The following LARGE1 variants were observed in gnomAD, a reference collection of about 807,000 sequenced individuals.
LARGE1 encodes the protein LARGE xylosyl- and glucuronyltransferase 1.
A neutral mutation model predicts 87.6 loss-of-function variants in LARGE1; 43 were observed. The observed-to-expected ratio is 0.49, with a 90% CI of 0.38 to 0.63. The LOEUF (loss-of-function observed/expected upper bound fraction) is 0.63. Among genes scored for constraint, LARGE1 ranks in the 30% least tolerant of loss-of-function variants. The probability of loss-of-function intolerance (pLI) is 0.00; values close to 1 mark genes in which losing one functional copy is unlikely to be tolerated. For synonymous variants in LARGE1, 434 were observed against 394.6 expected, an observed-to-expected ratio of 1.10 and a Z score of -1.18; for missense variants, 802 against 1,000.2, an observed-to-expected ratio of 0.80 and a Z score of 2.67.
At chr22:33,505,977 T>C (rs2070745215) in intron 6 of LARGE1, among the ~76,000 whole-genome samples, 1 of 152,160 alleles carries the variant, frequency 6.6e-6, no homozygotes, top group Admixed American at 6.5e-5. Context: ...CCCAGAGTCC[T>C]GAAGCATAGT....
chr22:33,499,374 A>G (rs545483577), intron 6 of LARGE1, among the ~76,000 whole-genome samples: 2 of 152,306 alleles, frequency 1.3e-5, no homozygotes, highest in East Asian at 1.9e-4. Context: ...GCAGATGGCA[A>G]TTATCCACTT....
chr22:33,569,322 C>T (rs112566491), intron 5 of LARGE1, among the ~76,000 whole-genome samples: 5 of 152,308 alleles, frequency 3.3e-5, no homozygotes, highest in African/African-American at 1.2e-4. Context: ...TGCCCTGACT[C>T]TCCGTTTTAT....
At chr22:33,604,281 T>C (rs770982424) in intron 5 of LARGE1, among the ~76,000 whole-genome samples, 154 bp downstream of exon 5, 14 of 152,188 alleles carry the variant, frequency 9.2e-5, no homozygotes, top group Non-Finnish European at 1.8e-4. Context: ...ACTTCGATAA[T>C]AAAATCAGAT....
chr22:33,510,707 C>T (rs1251568209), intron 6 of LARGE1, among the ~76,000 whole-genome samples: 2 of 152,202 alleles, frequency 1.3e-5, no homozygotes, highest in Non-Finnish European at 2.9e-5. Context: ...TCCTGAGTAG[C>T]TGTGACTACA....
intron 11 of LARGE1, among the ~76,000 whole-genome samples, chr22:33,257,836 C>T (rs1346868476): frequency 1.3e-5 from 2 of 152,198 alleles, no homozygotes; most frequent in Non-Finnish European, 1.5e-5. Flanking sequence ...TGGAGCTACT[C>T]TGGTGAATAA....
intron 7 of LARGE1, among the ~76,000 whole-genome samples, chr22:33,430,107 T>C (rs1307468352): frequency 3.3e-5 from 5 of 152,214 alleles, no homozygotes; most frequent in Admixed American, 6.5e-5. Flanking sequence ...CCTGAAGCCA[T>C]TAAAGTTCAA....
chr22:33,147,075 G>C, the LARGE1 span, among the ~76,000 whole-genome samples: 1 of 152,292 alleles, frequency 6.6e-6, no homozygotes. Flanking sequence ...TGTGACAGTA[G>C]TGTAGTATTT....
At chr22:33,604,238 T>G (rs544772620) in intron 5 of LARGE1, among the ~76,000 whole-genome samples, 197 bp downstream of exon 5, 2 of 152,328 alleles carry the variant, frequency 1.3e-5, no homozygotes, top group African/African-American at 4.8e-5. Flanking sequence ...CAGACCAAAG[T>G]GGATTTTGTG....
intron 10 of LARGE1, among the ~76,000 whole-genome samples, chr22:33,334,462 T>C (rs1398179400): frequency 6.7e-6 from 1 of 149,716 alleles, no homozygotes; most frequent in Non-Finnish European, 1.5e-5. Context: ...ACAGGGCATG[T>C]CATAGACAGT....
the LARGE1 span, among the ~76,000 whole-genome samples, chr22:33,154,602 G>A: frequency 6.6e-6 from 1 of 152,078 alleles, no homozygotes; most frequent in African/African-American, 2.4e-5. Flanking sequence ...CGCTTTCTCT[G>A]AGATCCATTA....
chr22:33,522,004 C>T (rs948153001), intron 6 of LARGE1, among the ~76,000 whole-genome samples: 1 of 152,100 alleles, frequency 6.6e-6, no homozygotes, highest in Non-Finnish European at 1.5e-5. Context: ...GGGCAGGTGC[C>T]AGCTTCTTTA....
chr22:33,539,275 C>G (rs1395357824), intron 6 of LARGE1, among the ~76,000 whole-genome samples: 1 of 151,700 alleles, frequency 6.6e-6, no homozygotes, highest in Admixed American at 6.6e-5. Context: ...AAAGGCAAGT[C>G]CTGGTAACAG....
rs1453658493 is a variant in LARGE1 at position 33,387,221 on chromosome 22, C to T, written c.893-2917G>A. ...GCACAGATCATCTGAAGTCAGGAGT[C>T]CAAGACCAGCCCCGCCAACATGGCG... On this transcript the variant is annotated intron_variant, in intron 7 of 14. Coordinates refer to ENST00000397394, the MANE Select transcript of LARGE1 (RefSeq NM_133642.5). Among the ~76,000 whole-genome samples the T allele has an allele frequency of 6.8e-5, 10 of 147,774 alleles. 1 individual carries two copies. The highest frequency in any genetic ancestry group is 1.5e-4 in the Non-Finnish European group (10 of 66,180).
intron 9 of LARGE1, among the ~76,000 whole-genome samples, chr22:33,380,388 A>G (rs906374860): frequency 6.6e-6 from 1 of 152,164 alleles, no homozygotes; most frequent in East Asian, 1.9e-4. Context: ...AGTGCAGTTA[A>G]AAAAAAGTTC....
intron 1 of LARGE1, among the ~76,000 whole-genome samples, chr22:33,855,138 T>A (rs1285760503): frequency 6.6e-6 from 1 of 151,934 alleles, no homozygotes; most frequent in Non-Finnish European, 1.5e-5. Context: ...ACCGAGACCA[T>A]CCTGGCAAAC....
chr22:33,504,975 C>T (rs918148081), intron 6 of LARGE1, among the ~76,000 whole-genome samples: 17 of 152,214 alleles, frequency 1.1e-4, no homozygotes, highest in African/African-American at 4.1e-4. Context: ...AGGTGACAAC[C>T]TCCAGGTGGC....
chr22:33,804,471 T>C (rs968901730), intron 1 of LARGE1, among the ~76,000 whole-genome samples: 3 of 152,184 alleles, frequency 2.0e-5, no homozygotes, highest in South Asian at 2.1e-4. Context: ...AATTTGCAGG[T>C]TGACTGCTTG....
At chr22:33,321,463 T>C (rs1469308938) in intron 10 of LARGE1, among the ~76,000 whole-genome samples, 1 of 152,246 alleles carries the variant, frequency 6.6e-6, no homozygotes, top group Non-Finnish European at 1.5e-5. Context: ...CCAACTGCTA[T>C]GCTCCTAAAC....
At chr22:33,648,195 A>T (rs1370182745) in intron 3 of LARGE1, among the ~76,000 whole-genome samples, 1 of 152,166 alleles carries the variant, frequency 6.6e-6, no homozygotes. Flanking sequence ...TCAAAAGCCA[A>T]TGGTCTTTGG....
Sources: gnomAD v4.1 joint callset for allele counts (sites outside exome capture counted in the v4.1 genomes callset) on GRCh38, gnomAD v4.1.1 for gene constraint, MANE v1.5 for transcripts, NCBI Gene and HGNC (gene_info 2026-07-23, HGNC 2026-07-21) for gene names.